NCAM1: variants seen among roughly 807,000 people sequenced by gnomAD.
NCAM1 encodes neural cell adhesion molecule 1, also known as antigen recognized by monoclonal antibody 5.1H11.
NCAM1 carries 14 observed loss-of-function variants against 109.8 expected under a neutral mutation model. The ratio of observed to expected loss-of-function variants is 0.13; its 90% CI spans 0.08 to 0.20. The LOEUF is 0.20. Among genes scored for constraint, NCAM1 ranks in the 10% least tolerant of loss-of-function variants. The pLI is 1.00. For missense variants in NCAM1, 774 were observed against 1,109.9 expected (o/e 0.70, Z 4.30); for synonymous variants, 418 against 442.9 (o/e 0.94, Z 0.70).
intron 1 of NCAM1, among the ~76,000 whole-genome samples, chr11:113,129,550 A>G (rs1156449492): frequency 6.6e-6 from 1 of 152,198 alleles, no homozygotes; most frequent in Non-Finnish European, 1.5e-5. Context: ...TGAGATGAAC[A>G]CAGGGATGAA....
intron 1 of NCAM1, among the ~76,000 whole-genome samples, chr11:113,121,646 C>T (rs1220653198): frequency 6.6e-6 from 1 of 150,982 alleles, no homozygotes; most frequent in African/African-American, 2.4e-5. Flanking sequence ...CTGTGGATTT[C>T]GGAGTTATTA....
At chr11:112,982,719 G>T (rs17114644) in intron 1 of NCAM1, among the ~76,000 whole-genome samples, 1 of 151,832 alleles carries the variant, frequency 6.6e-6, no homozygotes, top group Non-Finnish European at 1.5e-5. Context: ...CAGGTGAGGC[G>T]CATGGTAAGA....
intron 1 of NCAM1, among the ~76,000 whole-genome samples, chr11:113,019,740 A>G (rs1322531253): frequency 1.3e-5 from 2 of 152,212 alleles, no homozygotes; most frequent in African/African-American, 2.4e-5. Flanking sequence ...TCTAGTCACC[A>G]TAGACACATA....
rs115257141 is a variant in NCAM1, at chr11:113,235,683, G to A, written c.1825+519G>A. ...AACCCAGCAAAGCCAAGGGGAAGAG[G>A]TAGCCCTGGCCTTGGCCTTTTCTGC... is the stretch of plus-strand genomic sequence containing the variant. On this transcript the variant is annotated intron_variant, in intron 14 of 19. Coordinates refer to ENST00000316851, the MANE Select transcript of NCAM1 (RefSeq NM_181351.5). 2.0e-3 allele frequency among the ~76,000 whole-genome samples: 305 copies of A among 152,334 alleles called. 1 individual carries two copies. Among genetic ancestry groups the A allele is most frequent in the African/African-American group, 7.1e-3 (295 of 41,568 alleles).
chr11:113,212,804 C>G (rs559195087), intron 7 of NCAM1, among the ~76,000 whole-genome samples: 5 of 152,258 alleles, frequency 3.3e-5, no homozygotes, highest in African/African-American at 1.2e-4. Flanking sequence ...GGCACATATT[C>G]CTTCCAATAC....
Position 113,115,372 on chromosome 11 carries a change from C to T in NCAM1, c.53-87007C>T, listed in dbSNP as rs560895441. Among the ~76,000 whole-genome samples the T allele has an allele frequency of 1.3e-3, 201 of 152,280 alleles. 1 individual carries two copies. Among genetic ancestry groups the T allele is most frequent in the African/African-American group, 4.4e-3 (184 of 41,562 alleles). On this transcript the variant is annotated intron_variant, in intron 1 of 19. Coordinates refer to ENST00000316851, the MANE Select transcript of NCAM1 (RefSeq NM_181351.5). The stretch of plus-strand genomic sequence containing the variant: ...TCCTGGTAAAGGTTCAAAACATAAG[C>T]ACAGAGTTACTAATGTGTGAGCTGT...
chr11:113,206,208 C>T, intron 5 of NCAM1, 28 bp downstream of exon 5: 1 of 1,576,438 alleles, frequency 6.3e-7, no homozygotes, highest in Non-Finnish European at 8.6e-7. Context: ...TTCCTGATCT[C>T]TGCATTGCTA....
At chr11:113,260,414 T>G (rs1945957317) in intron 17 of NCAM1, 91 bp downstream of exon 17, 2 of 1,391,974 alleles carry the variant, frequency 1.4e-6, no homozygotes, top group East Asian at 2.4e-5. Context: ...CCTGACAACT[T>G]GCTTGCTTAC....
At chr11:113,030,826 C>T (rs901133680) in intron 1 of NCAM1, among the ~76,000 whole-genome samples, 3 of 152,272 alleles carry the variant, frequency 2.0e-5, no homozygotes, top group Admixed American at 2.0e-4. Context: ...AAAGCAGTTT[C>T]ATTGACTCAC....
At chr11:113,000,259 A>G (rs1951710637) in intron 1 of NCAM1, among the ~76,000 whole-genome samples, 1 of 152,206 alleles carries the variant, frequency 6.6e-6, no homozygotes, top group African/African-American at 2.4e-5. Context: ...GTAGTCCTTG[A>G]TCTCATAGAG....
intron 15 of NCAM1, among the ~76,000 whole-genome samples, chr11:113,254,271 C>T (rs1176432699): frequency 6.6e-6 from 1 of 152,194 alleles, no homozygotes; most frequent in African/African-American, 2.4e-5. Flanking sequence ...AGGTCTTTGC[C>T]TGAAGTCCAT....
chr11:113,191,253 G>A (rs1200707640), intron 1 of NCAM1, among the ~76,000 whole-genome samples: 4 of 152,168 alleles, frequency 2.6e-5, no homozygotes, highest in African/African-American at 9.7e-5. Flanking sequence ...GAGGGAATTC[G>A]GTTCAGAGAG....
chr11:113,107,243 T>C (rs1940212729), intron 1 of NCAM1, among the ~76,000 whole-genome samples: 1 of 152,178 alleles, frequency 6.6e-6, no homozygotes, highest in African/African-American at 2.4e-5. Context: ...CCTAGCTGTG[T>C]GCTTGTAGGC....
At chr11:113,013,845 G>A (rs1952138648) in intron 1 of NCAM1, among the ~76,000 whole-genome samples, 1 of 152,118 alleles carries the variant, frequency 6.6e-6, no homozygotes, top group Non-Finnish European at 1.5e-5. Flanking sequence ...ATAAAAATAG[G>A]TGAACTTTTA....
chr11:113,043,556 C>G (rs761721122), intron 1 of NCAM1, among the ~76,000 whole-genome samples: 1 of 152,112 alleles, frequency 6.6e-6, no homozygotes, highest in Admixed American at 6.5e-5. Context: ...AGGCTGGTCT[C>G]GAACTCCTGA....
intron 1 of NCAM1, among the ~76,000 whole-genome samples, chr11:113,126,627 A>G (rs1160049865): frequency 6.6e-6 from 1 of 152,178 alleles, no homozygotes; most frequent in Non-Finnish European, 1.5e-5. Context: ...GCAATTGACA[A>G]ATTATCGAGT....
intron 1 of NCAM1, among the ~76,000 whole-genome samples, chr11:112,979,089 T>C (rs987898450): frequency 4.0e-5 from 6 of 151,804 alleles, no homozygotes; most frequent in Admixed American, 2.6e-4. Flanking sequence ...TACATGGAAA[T>C]TGTGTTTAAT....
chr11:112,965,991 A>G (rs782080591), intron 1 of NCAM1, among the ~76,000 whole-genome samples: 2 of 152,218 alleles, frequency 1.3e-5, no homozygotes, highest in African/African-American at 2.4e-5. Flanking sequence ...GACATCTTAT[A>G]AAGGCTCTCC....
chr11:113,185,068 T>TATATA (rs1555108634), intron 1 of NCAM1, among the ~76,000 whole-genome samples: 14 of 99,626 alleles, frequency 1.4e-4, no homozygotes, highest in Non-Finnish European at 2.1e-4. Context: ...GCATTTATAT[T>TATATA]TATATATATA....
Sources: allele counts gnomAD v4.1 joint callset (sites outside exome capture counted in the v4.1 genomes callset), GRCh38; gene constraint gnomAD v4.1.1; transcripts MANE v1.5; gene names NCBI Gene and HGNC (gene_info 2026-07-23, HGNC 2026-07-21).